Variants in PTPRD observed in about 807,000 individuals in gnomAD.
The protein encoded by PTPRD is protein tyrosine phosphatase receptor type D, also known as receptor-type tyrosine-protein phosphatase delta.
In PTPRD, 34 loss-of-function variants were observed where a neutral mutation model predicts 214.5. That is an observed-to-expected ratio of 0.16 (90% confidence interval 0.12 to 0.21). The LOEUF is 0.21. Among genes scored for constraint, PTPRD ranks in the 10% least tolerant of loss-of-function variants. PTPRD has a pLI of 1.00. For synonymous variants in PTPRD, 1,128 were observed against 845.7 expected, an observed-to-expected ratio of 1.33 and a Z score of -5.79; for missense variants, 2,545 against 2,398.7, an observed-to-expected ratio of 1.06 and a Z score of -1.27.
At chr9:9,004,357 C>T (rs2099444548) in intron 11 of PTPRD, among the ~76,000 whole-genome samples, 1 of 151,950 alleles carries the variant, frequency 6.6e-6, no homozygotes, top group Non-Finnish European at 1.5e-5. Context: ...TTATTCTCTT[C>T]CTACATTTCA....
At chr9:10,607,335 T>A (rs529621718) in intron 2 of PTPRD, among the ~76,000 whole-genome samples, 1 of 152,072 alleles carries the variant, frequency 6.6e-6, no homozygotes, top group East Asian at 1.9e-4. Flanking sequence ...CAATTTGTTA[T>A]GTTACATACT....
At chr9:10,577,021 C>G (rs1256313238) in intron 2 of PTPRD, among the ~76,000 whole-genome samples, 1 of 151,764 alleles carries the variant, frequency 6.6e-6, no homozygotes, top group Non-Finnish European at 1.5e-5. Flanking sequence ...ACATCTGTTT[C>G]AAAGAAATAA....
intron 8 of PTPRD, among the ~76,000 whole-genome samples, chr9:9,569,848 G>C (rs2085804719): frequency 6.6e-6 from 1 of 151,526 alleles, no homozygotes. Context: ...AGAATTATGT[G>C]TGAGCTAGCC....
At chr9:10,535,499 A>G (rs2057544827) in intron 2 of PTPRD, among the ~76,000 whole-genome samples, 1 of 152,118 alleles carries the variant, frequency 6.6e-6, no homozygotes, top group Non-Finnish European at 1.5e-5. Context: ...TTTAAAAAAA[A>G]GTGTCTAACA....
intron 5 of PTPRD, among the ~76,000 whole-genome samples, chr9:9,824,388 G>A (rs1048878172): frequency 6.6e-6 from 1 of 151,888 alleles, no homozygotes; most frequent in African/African-American, 2.4e-5. Context: ...TTCACATGCT[G>A]TTTACTTGAG....
chr9:8,352,366 T>C (rs1320122877), intron 39 of PTPRD, among the ~76,000 whole-genome samples: 1 of 152,160 alleles, frequency 6.6e-6, no homozygotes, highest in Non-Finnish European at 1.5e-5. Flanking sequence ...TAGAGGTCAA[T>C]CAAATGATGC....
chr9:10,554,662 T>TG lies in PTPRD; in HGVS notation c.-600+57735_-600+57736insC, dbSNP rs1222083092. 2.6e-5 allele frequency among the ~76,000 whole-genome samples: 4 copies of TG among 151,880 alleles called. No individual in the cohort carries two copies. In the East Asian group the frequency reaches 5.8e-4, roughly 22 times the overall value. ...TATACATTTCTTTTTTTAATTTTTT[T>TG]TGTTTTTGTTTTTTTCAAGATGGAG... On this transcript the variant is annotated intron_variant, in intron 2 of 45. Coordinates refer to ENST00000381196, the MANE Select transcript of PTPRD (RefSeq NM_002839.4).
intron 8 of PTPRD, among the ~76,000 whole-genome samples, chr9:9,515,236 A>T (rs959769202): frequency 3.3e-5 from 5 of 152,228 alleles, no homozygotes; most frequent in Admixed American, 2.6e-4. Context: ...CTGCCTCCGC[A>T]CATACCATAT....
chr9:8,535,685 A>G (rs1172939223), intron 14 of PTPRD, among the ~76,000 whole-genome samples: 2 of 151,908 alleles, frequency 1.3e-5, no homozygotes, highest in African/African-American at 4.8e-5. Flanking sequence ...TAAAGAAAAT[A>G]GTTTTTAAAA....
intron 35 of PTPRD, among the ~76,000 whole-genome samples, chr9:8,429,153 G>T (rs1340250741): frequency 6.6e-6 from 1 of 152,144 alleles, no homozygotes; most frequent in Non-Finnish European, 1.5e-5. Flanking sequence ...TCAATATTTT[G>T]ATCTAGTTTG....
chr9:10,082,377 T>C (rs2098253868), intron 3 of PTPRD, among the ~76,000 whole-genome samples: 1 of 152,102 alleles, frequency 6.6e-6, no homozygotes, highest in South Asian at 2.1e-4. Context: ...ATAAGAGCAA[T>C]CATCCTACAT....
intron 3 of PTPRD, among the ~76,000 whole-genome samples, chr9:10,254,587 C>A (rs373913482): frequency 1.3e-5 from 2 of 151,984 alleles, no homozygotes; most frequent in African/African-American, 4.8e-5. Flanking sequence ...CAGTGACAAT[C>A]GAGATGACTG....
intron 18 of PTPRD, among the ~76,000 whole-genome samples, chr9:8,524,011 C>T (rs2139110456): frequency 6.6e-6 from 1 of 151,232 alleles, no homozygotes; most frequent in East Asian, 1.9e-4. Context: ...TTCTTTAATC[C>T]CACCCCCACC....
rs2095982877 is a variant in PTPRD at position 8,625,244 on chromosome 9, T to C, written c.352+8073A>G. 2.0e-5 allele frequency among the ~76,000 whole-genome samples: 3 copies of C among 151,888 alleles called. No homozygotes were observed. The South Asian group carries it at 6.2e-4, about 31-fold the overall frequency. ...TACAAAACATACATATATGCAAATA[T>C]ACCTTCTCAAGTTTTTGTATAAATA... On this transcript the variant is annotated intron_variant, in intron 14 of 45. Transcript: ENST00000381196.
At chr9:10,373,890 T>C (rs1220576356) in intron 2 of PTPRD, among the ~76,000 whole-genome samples, 1 of 152,126 alleles carries the variant, frequency 6.6e-6, no homozygotes, top group Non-Finnish European at 1.5e-5. Flanking sequence ...TTTTATTCCC[T>C]ATCCACTTCA....
At chr9:9,698,025 C>T (rs2097416119) in intron 7 of PTPRD, among the ~76,000 whole-genome samples, 1 of 152,110 alleles carries the variant, frequency 6.6e-6, no homozygotes, top group Admixed American at 6.6e-5. Context: ...TTAAATTTCC[C>T]TGATAAATTT....
intron 8 of PTPRD, among the ~76,000 whole-genome samples, chr9:9,545,627 C>G (rs558216222): frequency 6.6e-6 from 1 of 151,866 alleles, no homozygotes; most frequent in East Asian, 1.9e-4. Context: ...GGTAACTACT[C>G]TTGGTCTATT....
chr9:8,934,393 ATGTGTGTGTG>A lies in PTPRD; in HGVS notation c.-104+84294_-104+84303del, dbSNP rs756848411. Among the ~76,000 whole-genome samples the A allele has an allele frequency of 5.4e-4, 26 of 48,206 alleles. 1 individual carries two copies. The highest frequency in any genetic ancestry group is 2.1e-3 in the African/African-American group (26 of 12,562). 31.6% of individuals were successfully genotyped at this position (48,206 alleles called of 152,430 possible). On this transcript the variant is annotated intron_variant, in intron 11 of 45. Coordinates refer to ENST00000381196, the MANE Select transcript of PTPRD (RefSeq NM_002839.4). ...GAGGTGTAATTGACAAATACTAATT[ATGTGTGTGTG>A]TGTGTGTGTGTGTGTGTGTATATAT...
chr9:8,869,551 A>G (rs572305102), intron 11 of PTPRD, among the ~76,000 whole-genome samples: 1 of 152,256 alleles, frequency 6.6e-6, no homozygotes, highest in East Asian at 1.9e-4. Context: ...CCCAGGAGTC[A>G]GAATTGTTGG....
Sources: gnomAD v4.1 joint callset for allele counts (sites outside exome capture counted in the v4.1 genomes callset) on GRCh38, gnomAD v4.1.1 for gene constraint, MANE v1.5 for transcripts, NCBI Gene and HGNC (gene_info 2026-07-23, HGNC 2026-07-21) for gene names.